Variants in TRIM38 observed in about 807,000 individuals in gnomAD.
The protein encoded by TRIM38 is E3 ubiquitin-protein ligase TRIM38.
Under a neutral mutation model 35.8 loss-of-function variants are expected in TRIM38, and 35 were observed. That is an observed-to-expected ratio of 0.98 (90% confidence interval 0.75 to 1.30). TRIM38 has a LOEUF of 1.30. TRIM38 is among the 50% of genes most tolerant of loss of function. The pLI is 0.00. For missense variants in TRIM38, 545 were observed against 556.9 expected (o/e 0.98, Z 0.21); for synonymous variants, 198 against 204.7 (o/e 0.97, Z 0.28).
chr6:25,970,152 G>A (rs113731219), intron 4 of TRIM38, among the ~76,000 whole-genome samples: 3,411 of 152,000 alleles, frequency 0.022, 118 homozygotes, highest in African/African-American at 0.073. Flanking sequence ...TCCTGACCTC[G>A]TGATTCACCC....
At chr6:25,980,427 T>TA (rs1456898905) in intron 7 of TRIM38, among the ~76,000 whole-genome samples, 6 of 151,744 alleles carry the variant, frequency 4.0e-5, no homozygotes, top group East Asian at 3.9e-4. Flanking sequence ...TTCTTTCTTT[T>TA]TTTTTTTTTT....
rs141232841 is a variant in TRIM38, at chr6:25,983,269, C to A, written c.980C>A (p.Ser327Tyr). The stretch of plus-strand genomic sequence containing the variant: ...ACCCAGGAGAATCAGGACACATCTT[C>A]CAGGAGATTTACTGCCTTCCCCTGT... ...GYTQENQDTS[S>Y]RRFTAFPCVL... The change falls in exon 8 of 8, where the codon TCC becomes TAC. Residue 327 changes from serine to tyrosine, a missense_variant. By Grantham distance (144) the Ser-to-Tyr change is moderately radical. Coordinates refer to ENST00000357085, the MANE Select transcript of TRIM38 (RefSeq NM_006355.5). 1.1e-4 allele frequency: 176 copies of A among 1,614,150 alleles called. No individual in the cohort carries two copies. In the African/African-American group the frequency reaches 1.8e-3, roughly 17 times the overall value.
At chr6:25,978,228 G>A (rs1347303355) in intron 7 of TRIM38, among the ~76,000 whole-genome samples, 6 of 151,946 alleles carry the variant, frequency 3.9e-5, no homozygotes, top group Admixed American at 2.0e-4. Flanking sequence ...ACCAATGAGA[G>A]GATCAATGGC....
intron 7 of TRIM38, among the ~76,000 whole-genome samples, chr6:25,981,210 T>A (rs1371458544): frequency 6.6e-6 from 1 of 152,212 alleles, no homozygotes; most frequent in African/African-American, 2.4e-5. Flanking sequence ...AGCGTGGGAC[T>A]GGGGTACTGA....
Position 25,973,868 on chromosome 6 carries a change from T to G in TRIM38, c.874+583T>G. On this transcript the variant is annotated intron_variant, in intron 7 of 7. Transcript: ENST00000357085. ...TTACTGAGTTTCCTGCTCCCTTGAT[T>G]TTTTAAATCAGTGCTGACTATACTT... 3 of 985,406 alleles carry G rather than the reference T, an allele frequency of 3.0e-6. No individual in the cohort carries two copies. The South Asian group carries it at 1.4e-4, about 46-fold the overall frequency. The allele number at this position is 985,406 out of a possible 1,614,324, so 61.0% of individuals were successfully genotyped here. A position where few individuals can be genotyped will look rare whatever the true frequency, so the allele number is the denominator to read the frequency against.
chr6:25,962,858 A>T lies in TRIM38; in HGVS notation c.-423+3A>T, dbSNP rs1051641096. 3.9e-5 allele frequency: 6 copies of T among 152,354 alleles called. No individual in the cohort carries two copies. The highest frequency in any genetic ancestry group is 2.4e-5 in the African/African-American group (1 of 41,414). The allele number at this position is 152,354 out of a possible 1,614,324, so 9.4% of individuals were successfully genotyped here. ...CAGAGGGGACTAGCAGCGAATATGT[A>T]AGTGTCTGAGCAGTGAAGGTTACGG... On this transcript the variant is annotated splice_donor_region_variant and intron_variant, in intron 1 of 7. Coordinates refer to ENST00000357085, the MANE Select transcript of TRIM38 (RefSeq NM_006355.5).
chr6:25,972,973 C>A, intron 5 of TRIM38, 81 bp from the exon 6 acceptor site: 1 of 1,575,120 alleles, frequency 6.3e-7, no homozygotes, highest in Non-Finnish European at 8.7e-7. Flanking sequence ...TCGGGTAAAG[C>A]AAAGAAGAAT....
rs780367871 is a variant in TRIM38 at position 25,971,977 on chromosome 6, C to T, written c.616C>T (p.Gln206Ter). ...TCTCTGGAGGCTGGAGAAAGAAGAACAACAGACTCTGAGTAGACTGAGGGA... is the reference window on the plus strand; with the variant it reads ...TCTCTGGAGGCTGGAGAAAGAAGAATAACAGACTCTGAGTAGACTGAGGGA... Reference protein sequence around the residue: ...SYLWRLEKEEQQTLSRLRDYE... With the variant: ...SYLWRLEKEE Residue 206 changes from glutamine (Q) to a stop codon, truncating the protein, a stop_gained, in exon 5 of 8, where the codon CAA becomes TAA. Coordinates refer to ENST00000357085, the MANE Select transcript of TRIM38 (RefSeq NM_006355.5). LOFTEE classifies it high-confidence loss of function. 1.2e-6 allele frequency: 2 copies of T among 1,614,098 alleles called. No individual in the cohort carries two copies. The highest frequency in any genetic ancestry group is 1.7e-6 in the Non-Finnish European group (2 of 1,180,012).
chr6:25,976,867 T>G (rs898868728), intron 7 of TRIM38, among the ~76,000 whole-genome samples: 3 of 152,190 alleles, frequency 2.0e-5, no homozygotes, highest in Non-Finnish European at 4.4e-5. Flanking sequence ...TTATATAATT[T>G]ATGATTTTGA....
At position 25,987,170 on chromosome 6, in the gene TRIM38, A is replaced by G. The variant is rs1042699778; in HGVS notation, c.*3483A>G. On this transcript the variant is annotated 3_prime_UTR_variant, in exon 8 of 8. Coordinates refer to ENST00000357085, the MANE Select transcript of TRIM38 (RefSeq NM_006355.5). ...ATGACCAAAAAAGAAAAGCCTACAAACTCATTGATATAAAAGCTTAACAAA... is the reference window on the plus strand; with the variant it reads ...ATGACCAAAAAAGAAAAGCCTACAAGCTCATTGATATAAAAGCTTAACAAA... The G allele has an allele frequency of 1.3e-5, 2 of 150,594 alleles. No individual in the cohort carries two copies. The highest frequency in any genetic ancestry group is 1.3e-4 in the Admixed American group (2 of 15,038). 9.3% of individuals were successfully genotyped at this position (150,594 alleles called of 1,614,324 possible).
chr6:25,967,883 C>T (rs1760111948), intron 3 of TRIM38, among the ~76,000 whole-genome samples: 1 of 151,848 alleles, frequency 6.6e-6, no homozygotes, highest in Non-Finnish European at 1.5e-5. Context: ...TCAAACTATC[C>T]GTATAAGAAA....
At position 25,972,077 on chromosome 6, in the gene TRIM38, G is replaced by T; in HGVS notation, c.716G>T (p.Gly239Val). The T allele has an allele frequency of 6.2e-7, 1 of 1,614,168 alleles. No individual in the cohort carries two copies. Among genetic ancestry groups the T allele is most frequent in the Non-Finnish European group, 8.5e-7 (1 of 1,180,014 alleles). The stretch of plus-strand genomic sequence containing the variant: ...CTGGAACTGGAGGAAAAATGTCAGG[G>T]CTCAGCCCAGAAATTGCTGCAGGTG... ...HILELEEKCQ[G>V]SAQKLLQNVN... Residue 239 changes from glycine (G) to valine (V), a missense_variant, in exon 5 of 8, where the codon GGC becomes GTC. Transcript: ENST00000357085.
intron 7 of TRIM38, among the ~76,000 whole-genome samples, chr6:25,976,876 G>A (rs1760409371): frequency 6.6e-6 from 1 of 152,136 alleles, no homozygotes; most frequent in Non-Finnish European, 1.5e-5. Flanking sequence ...TTATGATTTT[G>A]ACAGTCTTAC....
Position 25,973,930 on chromosome 6 carries a change from A to C in TRIM38, c.874+645A>C, listed in dbSNP as rs1446011234. 5.4e-5 allele frequency: 51 copies of C among 952,252 alleles called. No individual in the cohort carries two copies. In the Admixed American group the frequency reaches 1.9e-3, roughly 36 times the overall value. The allele number at this position is 952,252 out of a possible 1,614,324, so 59.0% of individuals were successfully genotyped here. On this transcript the variant is annotated intron_variant, in intron 7 of 7. Transcript: ENST00000357085. Reference sequence around the variant, plus strand: ...TATCCGTAAGTACAAAATCAAAAAAACCCCTGAAAATGGAAAGTTTTATCA... The same window carrying C: ...TATCCGTAAGTACAAAATCAAAAAACCCCCTGAAAATGGAAAGTTTTATCA...
At position 25,972,012 on chromosome 6, in the gene TRIM38, T is replaced by A; in HGVS notation, c.651T>A (p.Ala217=). The change falls in exon 5 of 8, where the codon GCT becomes GCA. Residue 217 remains alanine (A), a synonymous_variant. Transcript: ENST00000357085. The stretch of plus-strand genomic sequence containing the variant: ...TGAGTAGACTGAGGGACTATGAGGC[T>A]GGTCTGGGGCTGAAGAGCAATGAAC... ...QTLSRLRDYE[A]GLGLKSNELK... 6.2e-7 allele frequency: 1 copy of A among 1,614,112 alleles called. No individual in the cohort carries two copies. Among genetic ancestry groups the A allele is most frequent in the Non-Finnish European group, 8.5e-7 (1 of 1,180,020 alleles).
At chr6:25,963,715 G>A (rs62394537) in intron 2 of TRIM38, among the ~76,000 whole-genome samples, 20,708 of 152,176 alleles carry the variant, frequency 0.14, 1,812 homozygotes, top group Middle Eastern at 0.2. Flanking sequence ...TCAGTTTAGG[G>A]AGAGGGCACA....
Position 25,983,305 on chromosome 6 carries a change from G to A in TRIM38, c.1016G>A (p.Cys339Tyr). 1.2e-6 allele frequency: 2 copies of A among 1,614,158 alleles called. No homozygotes were observed. The highest frequency in any genetic ancestry group is 8.5e-7 in the Non-Finnish European group (1 of 1,180,012). The part of the protein sequence containing the change: ...RFTAFPCVLG[C>Y]EGFTSGRRYF... ...ACTGCCTTCCCCTGTGTCTTGGGTT[G>A]TGAAGGCTTCACCTCAGGAAGACGT... is the stretch of plus-strand genomic sequence containing the variant. Residue 339 changes from cysteine to tyrosine, a missense_variant, in exon 8 of 8, where the codon TGT becomes TAT. Coordinates refer to ENST00000357085, the MANE Select transcript of TRIM38 (RefSeq NM_006355.5).
Position 25,988,496 on chromosome 6 carries a change from C to CTTTTTTTTGTTTTTTTTTTTTTTTTTTT in TRIM38, c.*4817_*4818insGTTTTTTTTTTTTTTTTTTTTTTTTTTT, listed in dbSNP as rs1760776067. 1 of 63,054 alleles carries CTTTTTTTTGTTTTTTTTTTTTTTTTTTT rather than the reference C, an allele frequency of 1.6e-5. No individual in the cohort carries two copies. The highest frequency in any genetic ancestry group is 2.7e-5 in the Non-Finnish European group (1 of 37,380). 3.9% of individuals were successfully genotyped at this position (63,054 alleles called of 1,614,324 possible). ...TTTCTTTTTCTTTTTTCTTTTCTTT[C>CTTTTTTTTGTTTTTTTTTTTTTTTTTTT]TTTTTTTTTTTTTTTTTGAGACAGA... On this transcript the variant is annotated 3_prime_UTR_variant, in exon 8 of 8. Coordinates refer to ENST00000357085, the MANE Select transcript of TRIM38 (RefSeq NM_006355.5).
intron 2 of TRIM38, among the ~76,000 whole-genome samples, chr6:25,963,757 G>C (rs990625066): frequency 6.6e-6 from 1 of 152,086 alleles, no homozygotes; most frequent in Non-Finnish European, 1.5e-5. Flanking sequence ...TGGTTGTTCT[G>C]GTTGCCTTGA....
Sources: gnomAD v4.1 joint callset for allele counts (sites outside exome capture counted in the v4.1 genomes callset) on GRCh38, gnomAD v4.1.1 for gene constraint, MANE v1.5 for transcripts, NCBI Gene and HGNC (gene_info 2026-07-23, HGNC 2026-07-21) for gene names.